The following ROBO2 variants were observed in gnomAD, a reference collection of about 807,000 sequenced individuals.
ROBO2 encodes roundabout homolog 2.
A neutral mutation model predicts 160.8 loss-of-function variants in ROBO2; 53 were observed. The ratio of observed to expected loss-of-function variants is 0.33; its 90% confidence interval spans 0.26 to 0.41. The LOEUF (loss-of-function observed/expected upper bound fraction) is 0.41. ROBO2 is among the 10% of genes least tolerant of loss of function. The pLI, the probability that ROBO2 is intolerant of heterozygous loss-of-function variation, is 1.00. For synonymous variants in ROBO2, 664 were observed against 611.7 expected (o/e 1.09, Z -1.26); for missense variants, 1,577 against 1,722.4 (o/e 0.92, Z 1.49).
chr3:76,877,019 T>G (rs1183106475), intron 2 of ROBO2, among the ~76,000 whole-genome samples: 1 of 152,148 alleles, frequency 6.6e-6, no homozygotes, highest in Admixed American at 6.5e-5. Flanking sequence ...TATATATATT[T>G]TACAAGTCCT....
At chr3:77,248,369 G>A (rs1381541890) in intron 2 of ROBO2, among the ~76,000 whole-genome samples, 1 of 151,726 alleles carries the variant, frequency 6.6e-6, no homozygotes, top group African/African-American at 2.4e-5. Flanking sequence ...CCGCTGAGCT[G>A]TTAACACTGA....
intron 2 of ROBO2, among the ~76,000 whole-genome samples, chr3:76,495,455 C>T (rs183040792): frequency 1.3e-5 from 2 of 152,008 alleles, no homozygotes; most frequent in Non-Finnish European, 2.9e-5. Flanking sequence ...AGTGTCTTAC[C>T]ACTGAAGTGC....
At chr3:77,260,668 C>A (rs1193399869) in intron 2 of ROBO2, among the ~76,000 whole-genome samples, 1 of 152,148 alleles carries the variant, frequency 6.6e-6, no homozygotes, top group Non-Finnish European at 1.5e-5. Context: ...AATGACTTAT[C>A]CAAGGTCCCA....
intron 2 of ROBO2, among the ~76,000 whole-genome samples, chr3:77,308,440 C>T (rs2063280427): frequency 6.6e-6 from 1 of 152,018 alleles, no homozygotes; most frequent in African/African-American, 2.4e-5. Flanking sequence ...ACCTAGACTT[C>T]CTAAGTGGCC....
intron 2 of ROBO2, among the ~76,000 whole-genome samples, chr3:77,356,444 G>A (rs774765245): frequency 7.9e-5 from 12 of 152,070 alleles, no homozygotes; most frequent in African/African-American, 1.2e-4. Flanking sequence ...ACATCAAATG[G>A]CCAACAGGTT....
At chr3:77,299,699 T>A (rs993564830) in intron 2 of ROBO2, among the ~76,000 whole-genome samples, 10 of 152,100 alleles carry the variant, frequency 6.6e-5, no homozygotes, top group Admixed American at 3.3e-4. Flanking sequence ...AACATGAGAT[T>A]TGGGTGGGGG....
At chr3:77,563,422 C>T (rs766209866) in intron 11 of ROBO2, 93 bp downstream of exon 12, 5 of 1,178,726 alleles carry the variant, frequency 4.2e-6, no homozygotes, top group Admixed American at 3.6e-5. Context: ...TTATTAAAGA[C>T]ATGTCCAATC....
chr3:76,066,655 A>G (rs920473107), intron 2 of ROBO2, among the ~76,000 whole-genome samples: 2 of 151,980 alleles, frequency 1.3e-5, no homozygotes, highest in Non-Finnish European at 2.9e-5. Flanking sequence ...ATGTGAATAA[A>G]CAGGCTCACC....
intron 2 of ROBO2, among the ~76,000 whole-genome samples, chr3:75,957,440 G>A (rs1948761772): frequency 6.6e-6 from 1 of 150,644 alleles, no homozygotes; most frequent in Non-Finnish European, 1.5e-5. Flanking sequence ...AATATGGTAG[G>A]GCAATTTTGT....
At chr3:77,241,042 A>C (rs538974116) in intron 2 of ROBO2, among the ~76,000 whole-genome samples, 6 of 152,230 alleles carry the variant, frequency 3.9e-5, no homozygotes, top group Admixed American at 2.6e-4. Context: ...AAATAGAAGT[A>C]GTTCACAAAC....
intron 2 of ROBO2, among the ~76,000 whole-genome samples, chr3:76,060,303 G>GA (rs71101879): frequency 0.66 from 100,968 of 151,928 alleles, 34,815 homozygotes; most frequent in African/African-American, 0.86. Context: ...GTGTACATCA[G>GA]AATAGAAAAA....
At chr3:77,520,885 G>T (rs1229401159) in intron 5 of ROBO2, among the ~76,000 whole-genome samples, 1 of 151,142 alleles carries the variant, frequency 6.6e-6, no homozygotes, top group Non-Finnish European at 1.5e-5. Context: ...ATTTTTACTG[G>T]CAAAGTTAAA....
chr3:77,293,489 G>C (rs2061582417), intron 2 of ROBO2, among the ~76,000 whole-genome samples: 1 of 146,966 alleles, frequency 6.8e-6, no homozygotes, highest in Non-Finnish European at 1.5e-5. Context: ...GCTGAGGCTA[G>C]ATCACCCCAG....
At chr3:77,069,891 G>T (rs975668006) in intron 1 of ROBO2, among the ~76,000 whole-genome samples, 1 of 152,066 alleles carries the variant, frequency 6.6e-6, no homozygotes, top group Non-Finnish European at 1.5e-5. Flanking sequence ...AAAAATGTTT[G>T]TTAAAATCAT....
intron 2 of ROBO2, among the ~76,000 whole-genome samples, chr3:76,500,514 C>T (rs902789911): frequency 1.3e-5 from 2 of 152,170 alleles, no homozygotes; most frequent in African/African-American, 4.8e-5. Context: ...GGACCAACAG[C>T]AAGTGACCCT....
At chr3:76,233,019 T>G (rs17140535) in intron 2 of ROBO2, among the ~76,000 whole-genome samples, 3,796 of 152,312 alleles carry the variant, frequency 0.025, 188 homozygotes, top group East Asian at 0.18. Context: ...TTGAAAATTT[T>G]GAGTCATGGA....
At chr3:75,939,318 G>A (rs1022781569) in intron 2 of ROBO2, among the ~76,000 whole-genome samples, 1 of 152,130 alleles carries the variant, frequency 6.6e-6, no homozygotes, top group African/African-American at 2.4e-5. Flanking sequence ...TTTAGATGAG[G>A]AATAGGTTAC....
intron 2 of ROBO2, among the ~76,000 whole-genome samples, chr3:76,065,921 T>C (rs1443212939): frequency 6.6e-6 from 1 of 151,924 alleles, no homozygotes; most frequent in Non-Finnish European, 1.5e-5. Context: ...GATGATAATC[T>C]TTCTCTACTC....
intron 2 of ROBO2, among the ~76,000 whole-genome samples, chr3:76,138,866 G>A (rs1263330066): frequency 6.6e-6 from 1 of 151,944 alleles, no homozygotes; most frequent in Admixed American, 6.6e-5. Context: ...GAATTTTTAG[G>A]TAATGTTTTC....
Sources: gnomAD v4.1 joint callset for allele counts (sites outside exome capture counted in the v4.1 genomes callset) on GRCh38, gnomAD v4.1.1 for gene constraint, MANE v1.5 for transcripts, NCBI Gene and HGNC (gene_info 2026-07-23, HGNC 2026-07-21) for gene names.